Variants in SCHIP1 observed in about 807,000 individuals in gnomAD.
SCHIP1 encodes schwannomin interacting protein 1, also known as schwannomin-interacting protein 1.
SCHIP1 carries 8 observed loss-of-function variants against 29.7 expected under a neutral mutation model. The observed-to-expected ratio is 0.27, with a 90% CI of 0.16 to 0.49. The LOEUF (loss-of-function observed/expected upper bound fraction) is 0.49, where lower values mean the gene tolerates loss of function less well. SCHIP1 is among the 20% of genes least tolerant of loss of function. The probability of loss-of-function intolerance (pLI) is 0.99; values close to 1 mark genes in which losing one functional copy is unlikely to be tolerated. For synonymous variants in SCHIP1, 76 were observed against 94.9 expected, an observed-to-expected ratio of 0.80 and a Z score of 1.16; for missense variants, 193 against 294.6, an observed-to-expected ratio of 0.66 and a Z score of 2.52.
At chr3:159,303,204 T>C in the SCHIP1 span, among the ~76,000 whole-genome samples, 1 of 151,980 alleles carries the variant, frequency 6.6e-6, no homozygotes, top group Non-Finnish European at 1.5e-5. Context: ...AGGGGCTAGA[T>C]GGCTACATCT....
chr3:159,873,545 T>C (rs1382602924), intron 2 of SCHIP1, among the ~76,000 whole-genome samples: 1 of 152,228 alleles, frequency 6.6e-6, no homozygotes, highest in Non-Finnish European at 1.5e-5. Context: ...AAATGAAAGC[T>C]AGGCTTACAA....
chr3:159,436,164 T>A, the SCHIP1 span, among the ~76,000 whole-genome samples: 3 of 152,136 alleles, frequency 2.0e-5, no homozygotes, highest in African/African-American at 7.2e-5. Context: ...ATCCAAATAA[T>A]CATGCTGGAA....
At chr3:159,873,616 A>G (rs1445628644) in intron 2 of SCHIP1, among the ~76,000 whole-genome samples, 1 of 152,224 alleles carries the variant, frequency 6.6e-6, no homozygotes, top group Non-Finnish European at 1.5e-5. Flanking sequence ...ATGTTGCTTC[A>G]TAACTCAACT....
chr3:159,512,668 A>T, the SCHIP1 span, among the ~76,000 whole-genome samples: 2 of 152,224 alleles, frequency 1.3e-5, no homozygotes, highest in African/African-American at 2.4e-5. Flanking sequence ...GGAGAATGGG[A>T]CATACCCTCA....
the SCHIP1 span, among the ~76,000 whole-genome samples, chr3:159,386,414 G>T: frequency 3.9e-5 from 6 of 152,122 alleles, no homozygotes; most frequent in African/African-American, 1.2e-4. Context: ...TTCCACGCTC[G>T]TGGATACACG....
chr3:159,818,240 A>G, the SCHIP1 span, among the ~76,000 whole-genome samples: 8 of 152,216 alleles, frequency 5.3e-5, no homozygotes, highest in African/African-American at 1.9e-4. Context: ...GTATGGCCCC[A>G]GAGTGCTGTG....
At chr3:159,521,453 G>A in the SCHIP1 span, among the ~76,000 whole-genome samples, 1 of 152,162 alleles carries the variant, frequency 6.6e-6, no homozygotes, top group South Asian at 2.1e-4. Context: ...TAGAAATATT[G>A]GAACATCTGG....
the SCHIP1 span, among the ~76,000 whole-genome samples, chr3:159,782,977 C>T: frequency 1.9e-4 from 29 of 152,274 alleles, no homozygotes; most frequent in South Asian, 6.0e-3. Context: ...GAGACTGTCA[C>T]CGAAGGACCA....
chr3:159,302,254 G>C, the SCHIP1 span, among the ~76,000 whole-genome samples: 11 of 152,246 alleles, frequency 7.2e-5, no homozygotes, highest in East Asian at 2.1e-3. Context: ...ATTTTTCTGA[G>C]ATGAGGAAAT....
chr3:159,751,042 C>T, the SCHIP1 span, among the ~76,000 whole-genome samples: 7 of 152,210 alleles, frequency 4.6e-5, no homozygotes, highest in Non-Finnish European at 7.4e-5. Flanking sequence ...TCCATTTAGT[C>T]GGCTTCCTGT....
At chr3:159,396,144 C>T in the SCHIP1 span, among the ~76,000 whole-genome samples, 3 of 139,782 alleles carry the variant, frequency 2.1e-5, no homozygotes, top group South Asian at 2.4e-4. Flanking sequence ...GATTCCAACC[C>T]CTGCCTTTTT....
chr3:159,522,975 C>T, the SCHIP1 span, among the ~76,000 whole-genome samples: 14 of 152,234 alleles, frequency 9.2e-5, no homozygotes, highest in East Asian at 3.9e-4. Flanking sequence ...TTCAAACATA[C>T]GCAAAAATAG....
intron 1 of SCHIP1, among the ~76,000 whole-genome samples, chr3:159,852,393 C>T (rs1712763450): frequency 6.6e-6 from 1 of 152,110 alleles, no homozygotes; most frequent in African/African-American, 2.4e-5. Context: ...AAACACTGGG[C>T]ATAATTTTTA....
the SCHIP1 span, among the ~76,000 whole-genome samples, chr3:159,744,704 G>A: frequency 3.9e-5 from 6 of 152,212 alleles, no homozygotes; most frequent in Non-Finnish European, 8.8e-5. Flanking sequence ...GGGGCCAGGC[G>A]TGTTGGCTCA....
At chr3:159,635,555 A>T in the SCHIP1 span, among the ~76,000 whole-genome samples, 540 of 152,288 alleles carry the variant, frequency 3.5e-3, no homozygotes, top group Admixed American at 6.1e-3. Context: ...TTGAGGGGAT[A>T]TTGAGACTCA....
the SCHIP1 span, among the ~76,000 whole-genome samples, chr3:159,466,479 G>T: frequency 6.6e-6 from 1 of 152,096 alleles, no homozygotes; most frequent in Non-Finnish European, 1.5e-5. Flanking sequence ...AGAACTAAAG[G>T]TCTGGAAAGC....
At chr3:159,480,944 T>C in the SCHIP1 span, among the ~76,000 whole-genome samples, 1 of 151,902 alleles carries the variant, frequency 6.6e-6, no homozygotes, top group Non-Finnish European at 1.5e-5. Context: ...TTTGGGTAGG[T>C]AGTGGAAAAT....
intron 1 of SCHIP1, among the ~76,000 whole-genome samples, chr3:159,864,676 C>A (rs74581833): frequency 0.03 from 4,525 of 152,188 alleles, 223 homozygotes; most frequent in African/African-American, 0.1. Flanking sequence ...GATGAGGTTT[C>A]TTTGAACTAG....
the SCHIP1 span, among the ~76,000 whole-genome samples, chr3:159,414,019 A>G: frequency 2.6e-5 from 4 of 152,222 alleles, no homozygotes; most frequent in African/African-American, 4.8e-5. Context: ...CTTTCTGAAG[A>G]GCAATCTTGG....
Sources: allele counts gnomAD v4.1 joint callset (sites outside exome capture counted in the v4.1 genomes callset), GRCh38; gene constraint gnomAD v4.1.1; transcripts MANE v1.5; gene names NCBI Gene and HGNC (gene_info 2026-07-23, HGNC 2026-07-21).